BEST4: variants seen among roughly 807,000 people sequenced by gnomAD.
BEST4 encodes the protein bestrophin-4.
A neutral mutation model predicts 47.1 loss-of-function variants in BEST4; 36 were observed. The observed-to-expected ratio is 0.76, with a 90% CI of 0.59 to 1.01. The LOEUF is 1.01. Among genes scored for constraint, BEST4 ranks in the 50% least tolerant of loss-of-function variants. The probability of loss-of-function intolerance (pLI) is 0.00; values close to 1 mark genes in which losing one functional copy is unlikely to be tolerated. For missense variants in BEST4, 550 were observed against 648.6 expected (o/e 0.85, Z 1.65); for synonymous variants, 250 against 277.8 (o/e 0.90, Z 1.00).
Position 44,784,282 on chromosome 1 carries a change from G to T in BEST4, c.1350C>A (p.Gly450=), listed in dbSNP as rs1427930284. Residue 450 remains glycine (G), a synonymous_variant, in exon 9 of 9, where the codon GGC becomes GGA. Coordinates refer to ENST00000372207, the MANE Select transcript of BEST4 (RefSeq NM_153274.3). The surrounding 1 kb of genome is among the most constrained non-coding windows in gnomAD (Gnocchi z 6.2). ...PHLLRFRAEE[G]GDPEAAARIE... The stretch of plus-strand genomic sequence containing the variant: ...TGCGGGCTGCGGCCTCGGGGTCGCC[G>T]CCCTCCTCCGCCCGGAAGCGCAGCA... The T allele has an allele frequency of 1.6e-5, 23 of 1,417,136 alleles. No homozygotes were observed. The highest frequency in any genetic ancestry group is 3.3e-5 in the Admixed American group (1 of 30,334). The allele number at this position is 1,417,136 out of a possible 1,614,324, so 87.8% of individuals were successfully genotyped here. A position where few individuals can be genotyped will look rare whatever the true frequency, so the allele number is the denominator to read the frequency against.
In BEST4 at chr1:44,786,750, G is replaced by C; in HGVS notation, c.248-54C>G. The C allele has an allele frequency of 7.1e-7, 1 of 1,413,148 alleles. No individual in the cohort carries two copies. Among genetic ancestry groups the C allele is most frequent in the Non-Finnish European group, 9.6e-7 (1 of 1,037,006 alleles). 87.5% of individuals were successfully genotyped at this position (1,413,148 alleles called of 1,614,324 possible). On this transcript the variant is annotated intron_variant, in intron 2 of 8. Transcript: ENST00000372207. This position sits in a 1 kb window ranked among gnomAD's most constrained non-coding sequence, Gnocchi z 4.9. ...GGAAGGGAGAGTGGAGAGCCTGGGG[G>C]TCGGAGCGCCTCACCTCCCCCAGCA...
At chr1:44,791,298 T>A (rs1384989252), upstream of BEST4, among the ~76,000 whole-genome samples, 1 of 151,928 alleles carries the variant, frequency 6.6e-6, no homozygotes, top group Admixed American at 6.6e-5. Context: ...AGATGCCAGC[T>A]CCTGGGCCTC....
chr1:44,787,331 A>C (rs770998967), intron 2 of BEST4, 41 bp downstream of exon 2: 17 of 1,603,316 alleles, frequency 1.1e-5, no homozygotes, highest in Non-Finnish European at 1.5e-5. Flanking sequence ...GTCAGGGAAC[A>C]CAGTAAGGGG....
chr1:44,789,798 G>C (rs1320751364), upstream of BEST4, among the ~76,000 whole-genome samples: 2 of 152,202 alleles, frequency 1.3e-5, no homozygotes, highest in East Asian at 3.8e-4. Flanking sequence ...TGAGGTAAGT[G>C]AACACTGAAA....
chr1:44,785,911 G>A (rs940747266), intron 4 of BEST4, among the ~76,000 whole-genome samples, 163 bp downstream of exon 4: 1 of 152,224 alleles, frequency 6.6e-6, no homozygotes, highest in Non-Finnish European at 1.5e-5. Context: ...TAGTACCTAT[G>A]TCAAGAGTTG....
chr1:44,790,190 A>G (rs1268376722), upstream of BEST4, among the ~76,000 whole-genome samples: 3 of 152,136 alleles, frequency 2.0e-5, no homozygotes, highest in Admixed American at 1.3e-4. Flanking sequence ...CTTGCCTACC[A>G]AGCCTTCCAA....
upstream of BEST4, among the ~76,000 whole-genome samples, chr1:44,792,224 C>T (rs899428689): frequency 1.3e-5 from 2 of 151,558 alleles, no homozygotes; most frequent in Non-Finnish European, 2.9e-5. Context: ...GTCAGGAGTT[C>T]GAGACCAGCC....
At position 44,786,267 on chromosome 1, in the gene BEST4, T is replaced by C. The variant is rs1487223450; in HGVS notation, c.482-39A>G. On this transcript the variant is annotated intron_variant, in intron 3 of 8. Coordinates refer to ENST00000372207, the MANE Select transcript of BEST4 (RefSeq NM_153274.3). The surrounding 1 kb of genome is among the most constrained non-coding windows in gnomAD (Gnocchi z 4.9). ...GCAGGTGGGGTGCAGTTGCACCCTC[T>C]GCCGCCAGGGGAGGCTGCTGTTCCG... The C allele has an allele frequency of 6.4e-7, 1 of 1,566,454 alleles. No homozygotes were observed. Among genetic ancestry groups the C allele is most frequent in the Non-Finnish European group, 8.7e-7 (1 of 1,154,750 alleles).
In BEST4 at chr1:44,784,363, C is replaced by G. The variant is rs1651137594; in HGVS notation, c.1269G>C (p.Pro423=). The part of the protein sequence containing the change: ...GRFLGVGAPS[P]AISLRNFGRV... ...GGCCGAAGTTCCGGAGGCTGATGGC[C>G]GGGGAGGGCGCCCCTACGCCCAGGA... The change falls in exon 9 of 9, where the codon CCG becomes CCC. Residue 423 remains proline, a synonymous_variant. Transcript: ENST00000372207. The surrounding 1 kb of genome is among the most constrained non-coding windows in gnomAD (Gnocchi z 6.2). 2.2e-6 allele frequency: 3 copies of G among 1,389,890 alleles called. No homozygotes were observed. Among genetic ancestry groups the G allele is most frequent in the African/African-American group, 3.1e-5 (2 of 65,488 alleles). The allele number at this position is 1,389,890 out of a possible 1,614,324, so 86.1% of individuals were successfully genotyped here.
In BEST4 at chr1:44,786,840, G is replaced by T; in HGVS notation, c.248-144C>A. On this transcript the variant is annotated intron_variant, in intron 2 of 8. Coordinates refer to ENST00000372207, the MANE Select transcript of BEST4 (RefSeq NM_153274.3). The surrounding 1 kb of genome is among the most constrained non-coding windows in gnomAD (Gnocchi z 4.9). The stretch of plus-strand genomic sequence containing the variant: ...AGGAAACATTCAGCTCCAGTGCCCT[G>T]CTGTGCGAGGCCAGGAGGAGGGAGG... The T allele has an allele frequency of 1.5e-6, 1 of 649,782 alleles. No homozygotes were observed. The allele number at this position is 649,782 out of a possible 1,614,324, so 40.3% of individuals were successfully genotyped here. A position where few individuals can be genotyped will look rare whatever the true frequency, so the allele number is the denominator to read the frequency against.
At chr1:44,787,522 C>G (rs1295093583) in intron 1 of BEST4, 32 bp downstream of exon 1, 1 of 1,614,112 alleles carries the variant, frequency 6.2e-7, no homozygotes. Context: ...CCAGTCTCCC[C>G]ACTTGCGCCA....
At chr1:44,789,185 G>A (rs958991175), upstream of BEST4, among the ~76,000 whole-genome samples, 58 of 150,620 alleles carry the variant, frequency 3.9e-4, no homozygotes, top group African/African-American at 1.4e-3. Flanking sequence ...CTTGAACCTG[G>A]GGAGGCGCAG....
rs1651255984 is a variant in BEST4 at position 44,786,753 on chromosome 1, G to A, written c.248-57C>T. 13 of 1,385,666 alleles carry A rather than the reference G, an allele frequency of 9.4e-6. No homozygotes were observed. The South Asian group carries it at 1.4e-4, about 15-fold the overall frequency. 85.8% of individuals were successfully genotyped at this position (1,385,666 alleles called of 1,614,324 possible). A position where few individuals can be genotyped will look rare whatever the true frequency, so the allele number is the denominator to read the frequency against. On this transcript the variant is annotated intron_variant, in intron 2 of 8. Transcript: ENST00000372207. The surrounding 1 kb of genome is among the most constrained non-coding windows in gnomAD (Gnocchi z 4.9). ...AGGGAGAGTGGAGAGCCTGGGGGTC[G>A]GAGCGCCTCACCTCCCCCAGCAAAG...
At position 44,785,909 on chromosome 1, in the gene BEST4, A is replaced by T. The variant is rs909325818; in HGVS notation, c.636+165T>A. Among the ~76,000 whole-genome samples the T allele has an allele frequency of 2.6e-5, 4 of 152,358 alleles. No homozygotes were observed. In the South Asian group the frequency reaches 8.3e-4, roughly 32 times the overall value. Reference sequence around the variant, plus strand: ...CTGTGCAAGGAGGATGATAGTACCTATGTCAAGAGTTGCTGTAAGGGATGA... The same window carrying T: ...CTGTGCAAGGAGGATGATAGTACCTTTGTCAAGAGTTGCTGTAAGGGATGA... On this transcript the variant is annotated intron_variant, in intron 4 of 8. Transcript: ENST00000372207.
Position 44,784,257 on chromosome 1 carries a change from T to A in BEST4, c.1375A>T (p.Ile459Phe). The A allele has an allele frequency of 6.9e-7, 1 of 1,451,790 alleles. No homozygotes were observed. Among genetic ancestry groups the A allele is most frequent in the Non-Finnish European group, 9.0e-7 (1 of 1,111,406 alleles). The allele number at this position is 1,451,790 out of a possible 1,614,324, so 89.9% of individuals were successfully genotyped here. The change falls in exon 9 of 9, where the codon ATC (isoleucine) becomes TTC (phenylalanine). Residue 459 changes from isoleucine to phenylalanine, a missense_variant. Transcript: ENST00000372207. The surrounding 1 kb of genome is among the most constrained non-coding windows in gnomAD (Gnocchi z 6.2). ...CCGGACTCCGCCGATTCCTCCTCGATGCGGGCTGCGGCCTCGGGGTCGCCG... is the reference window on the plus strand; with the variant it reads ...CCGGACTCCGCCGATTCCTCCTCGAAGCGGGCTGCGGCCTCGGGGTCGCCG... The part of the protein sequence containing the change: ...EGGDPEAAAR[I>F]EEESAESGDE...
rs150797829 is a variant in BEST4 at position 44,784,923 on chromosome 1, G to C, written c.975C>G (p.Leu325=). The change falls in exon 7 of 9, where the codon CTC becomes CTG. Residue 325 remains leucine, a synonymous_variant. Coordinates refer to ENST00000372207, the MANE Select transcript of BEST4 (RefSeq NM_153274.3). This position sits in a 1 kb window ranked among gnomAD's most constrained non-coding sequence, Gnocchi z 6.2. ...EDDDDFETNQ[L]IDRNLQVSLL... is the part of the protein sequence containing the mutation. ...TGCTCACCTGCAAGTTGCGGTCTAT[G>C]AGCTGATTTGTCTCAAAGTCGTCAT... The C allele has an allele frequency of 7.4e-6, 12 of 1,614,048 alleles. No individual in the cohort carries two copies. The highest frequency in any genetic ancestry group is 1.3e-5 in the African/African-American group (1 of 74,930).
chr1:44,787,542 C>A lies in BEST4; in HGVS notation c.152+12G>T. 6.2e-7 allele frequency: 1 copy of A among 1,614,144 alleles called. No individual in the cohort carries two copies. Among genetic ancestry groups the A allele is most frequent in the South Asian group, 1.1e-5 (1 of 91,086 alleles). Reference sequence around the variant, plus strand: ...CTCCCCACTTGCGCCAGCTCTAAGACCCTGCCCTTACCGGTAGGTGATGCT... The same window carrying A: ...CTCCCCACTTGCGCCAGCTCTAAGAACCTGCCCTTACCGGTAGGTGATGCT... On this transcript the variant is annotated intron_variant, in intron 1 of 8. Coordinates refer to ENST00000372207, the MANE Select transcript of BEST4 (RefSeq NM_153274.3).
chr1:44,785,486 G>C, intron 5 of BEST4, 113 bp downstream of exon 5: 2 of 1,235,878 alleles, frequency 1.6e-6, no homozygotes, highest in Non-Finnish European at 2.3e-6. Context: ...GATGAACCCG[G>C]TGCCTCAGGG....
Position 44,784,302 on chromosome 1 carries a change from G to A in BEST4, c.1330C>T (p.Arg444Cys). The A allele has an allele frequency of 1.4e-6, 2 of 1,405,318 alleles. No individual in the cohort carries two copies. Among genetic ancestry groups the A allele is most frequent in the Non-Finnish European group, 1.8e-6 (2 of 1,091,428 alleles). The allele number at this position is 1,405,318 out of a possible 1,614,324, so 87.1% of individuals were successfully genotyped here. The change falls in exon 9 of 9, where the codon CGC becomes TGC. Residue 444 changes from arginine to cysteine, a missense_variant. By Grantham distance (180) the Arg-to-Cys change is radical (BLOSUM62 -3). Coordinates refer to ENST00000372207, the MANE Select transcript of BEST4 (RefSeq NM_153274.3). This position sits in a 1 kb window ranked among gnomAD's most constrained non-coding sequence, Gnocchi z 6.2. ...TCGCCGCCCTCCTCCGCCCGGAAGC[G>A]CAGCAGATGCGGGGGGCGGGGGGTG... Reference protein sequence around the residue: ...RGTPRPPHLLRFRAEEGGDPE... With the variant: ...RGTPRPPHLLCFRAEEGGDPE...
Sources: allele counts gnomAD v4.1 joint callset (sites outside exome capture counted in the v4.1 genomes callset), GRCh38; gene constraint gnomAD v4.1.1; non-coding constraint Gnocchi (gnomAD v3.1); transcripts MANE v1.5; gene names NCBI Gene and HGNC (gene_info 2026-07-23, HGNC 2026-07-21).